Variants in TRPM3 observed in about 807,000 individuals in gnomAD.
The protein encoded by TRPM3 is long transient receptor potential channel 3.
Under a neutral mutation model 181.2 loss-of-function variants are expected in TRPM3, and 77 were observed. The observed-to-expected ratio is 0.42, with a 90% confidence interval of 0.35 to 0.51. The LOEUF is 0.51. Ranked by LOEUF, TRPM3 falls within the 20% of genes least tolerant of loss-of-function variation. TRPM3 has a pLI of 0.01. For missense variants in TRPM3, 1,759 were observed against 2,196.7 expected (o/e 0.80, Z 3.98); for synonymous variants, 745 against 796.4 (o/e 0.94, Z 1.09).
At chr9:70,924,681 G>A (rs773381101) in intron 1 of TRPM3, among the ~76,000 whole-genome samples, 3 of 152,148 alleles carry the variant, frequency 2.0e-5, no homozygotes, top group African/African-American at 4.8e-5. Flanking sequence ...AGGCCAGCTC[G>A]GTTTCTACCA....
At chr9:71,241,102 T>G (rs995038469) in intron 1 of TRPM3, among the ~76,000 whole-genome samples, 2 of 152,134 alleles carry the variant, frequency 1.3e-5, no homozygotes, top group Non-Finnish European at 2.9e-5. Context: ...AACTTAAAAT[T>G]TTCACTTCTT....
At chr9:70,880,887 CAG>C (rs2095978679) in intron 1 of TRPM3, among the ~76,000 whole-genome samples, 2 of 152,082 alleles carry the variant, frequency 1.3e-5, no homozygotes, top group African/African-American at 4.8e-5. Context: ...TTAGAACAAA[CAG>C]AGAAATGAAG....
At chr9:70,572,896 CG>C (rs1472212754) in intron 22 of TRPM3, among the ~76,000 whole-genome samples, 1 of 152,134 alleles carries the variant, frequency 6.6e-6, no homozygotes, top group Non-Finnish European at 1.5e-5. Context: ...AAGCCCTGAA[CG>C]GGCTTGTTCA....
intron 9 of TRPM3, among the ~76,000 whole-genome samples, chr9:70,642,729 G>A (rs988754002): frequency 2.6e-5 from 4 of 152,154 alleles, no homozygotes; most frequent in Non-Finnish European, 5.9e-5. Context: ...AGATACTGAC[G>A]TTATAAATTA....
intron 8 of TRPM3, among the ~76,000 whole-genome samples, chr9:70,699,079 C>G (rs566993334): frequency 6.6e-6 from 1 of 152,138 alleles, no homozygotes; most frequent in African/African-American, 2.4e-5. Flanking sequence ...ACAGTTAAGG[C>G]CTTGTTAAAT....
chr9:71,311,399 T>C (rs2087918026), intron 1 of TRPM3, among the ~76,000 whole-genome samples: 1 of 152,084 alleles, frequency 6.6e-6, no homozygotes, highest in Admixed American at 6.6e-5. Flanking sequence ...CAGTGTAGCA[T>C]TGACAAAATA....
intron 1 of TRPM3, among the ~76,000 whole-genome samples, chr9:70,936,465 T>TA (rs1474404493): frequency 6.6e-6 from 1 of 152,152 alleles, no homozygotes; most frequent in African/African-American, 2.4e-5. Flanking sequence ...TGGAATAAGA[T>TA]AAAAAATTCA....
intron 1 of TRPM3, among the ~76,000 whole-genome samples, chr9:70,921,368 T>C (rs1035255070): frequency 1.1e-4 from 17 of 152,396 alleles, no homozygotes; most frequent in African/African-American, 3.6e-4. Flanking sequence ...CCATACCTAA[T>C]TGCTTACTCA....
intron 1 of TRPM3, among the ~76,000 whole-genome samples, chr9:70,920,386 CAT>C (rs1301859308): frequency 1.3e-5 from 2 of 151,932 alleles, no homozygotes; most frequent in East Asian, 1.9e-4. Context: ...GTGGTAATGA[CAT>C]AGAAATAATG....
At chr9:71,183,887 G>A (rs1197824708) in intron 1 of TRPM3, among the ~76,000 whole-genome samples, 1 of 152,090 alleles carries the variant, frequency 6.6e-6, no homozygotes, top group African/African-American at 2.4e-5. Context: ...GTAGAAGAAA[G>A]CACGGTTAAA....
intron 1 of TRPM3, among the ~76,000 whole-genome samples, chr9:71,406,503 T>C (rs1459505753): frequency 6.6e-6 from 1 of 152,120 alleles, no homozygotes; most frequent in Non-Finnish European, 1.5e-5. Context: ...TTTACATCAG[T>C]GTACCAGGAG....
At chr9:71,048,404 T>C (rs932677867) in intron 1 of TRPM3, among the ~76,000 whole-genome samples, 3 of 152,210 alleles carry the variant, frequency 2.0e-5, no homozygotes, top group Non-Finnish European at 2.9e-5. Context: ...TTCACTAAGC[T>C]ACAGGCTGAA....
At chr9:70,662,013 T>C (rs1322104275) in intron 9 of TRPM3, among the ~76,000 whole-genome samples, 1 of 152,142 alleles carries the variant, frequency 6.6e-6, no homozygotes, top group Non-Finnish European at 1.5e-5. Context: ...ATTACCCAAC[T>C]TCAAGTTATA....
At chr9:70,852,708 C>T (rs75720701) in intron 3 of TRPM3, among the ~76,000 whole-genome samples, 9,807 of 152,188 alleles carry the variant, frequency 0.064, 431 homozygotes, top group South Asian at 0.097. Context: ...GATGTAAACT[C>T]CCCATTCTTG....
At chr9:70,664,196 T>C (rs916832921) in intron 9 of TRPM3, among the ~76,000 whole-genome samples, 1 of 152,208 alleles carries the variant, frequency 6.6e-6, no homozygotes, top group Non-Finnish European at 1.5e-5. Flanking sequence ...ATTTCTGCTA[T>C]AGTTAATGAG....
chr9:71,056,910 T>C (rs1025782707), intron 1 of TRPM3, among the ~76,000 whole-genome samples: 4 of 152,026 alleles, frequency 2.6e-5, no homozygotes, highest in African/African-American at 9.7e-5. Context: ...GGAACTTGTT[T>C]GGTCTTGAGA....
In TRPM3 at chr9:71,230,950, C is replaced by G. The variant is rs2081010612; in HGVS notation, c.183+215703G>C. 2.0e-5 allele frequency among the ~76,000 whole-genome samples: 3 copies of G among 152,222 alleles called. No individual in the cohort carries two copies. The South Asian group carries it at 6.2e-4, about 32-fold the overall frequency. ...TTTCTCATATCACAGGAAAGGAAAG[C>G]AGAAAGGAAATATTACTATTTATAC... On this transcript the variant is annotated intron_variant, in intron 1 of 24. Transcript: ENST00000357533.
At chr9:70,810,158 A>ACATGATCAG (rs2131388002) in intron 6 of TRPM3, 1 of 506,014 alleles carries the variant, frequency 2.0e-6, no homozygotes, top group South Asian at 1.5e-5. Flanking sequence ...TCCTATGGGT[A>ACATGATCAG]CATGATCAGG....
chr9:71,446,258 C>T (rs1406057034), intron 1 of TRPM3, among the ~76,000 whole-genome samples: 1 of 152,130 alleles, frequency 6.6e-6, no homozygotes, highest in Non-Finnish European at 1.5e-5. Context: ...TCTATTCCGC[C>T]CTCATTCAGC....
Sources: gnomAD v4.1 joint callset for allele counts (sites outside exome capture counted in the v4.1 genomes callset) on GRCh38, gnomAD v4.1.1 for gene constraint, MANE v1.5 for transcripts, NCBI Gene and HGNC (gene_info 2026-07-23, HGNC 2026-07-21) for gene names.